The following DLC1 variants were observed in gnomAD, a reference collection of about 807,000 sequenced individuals.
DLC1 encodes rho GTPase-activating protein 7.
In DLC1, 54 loss-of-function variants were observed where a neutral mutation model predicts 140.3. The ratio of observed to expected loss-of-function variants is 0.38; its 90% CI spans 0.31 to 0.48. The LOEUF (loss-of-function observed/expected upper bound fraction) is 0.48, where lower values mean the gene tolerates loss of function less well. DLC1 is among the 20% of genes least tolerant of loss of function. The probability of loss-of-function intolerance (pLI) is 0.96; values close to 1 mark genes in which losing one functional copy is unlikely to be tolerated. For synonymous variants in DLC1, 986 were observed against 728.1 expected, an observed-to-expected ratio of 1.35 and a Z score of -5.70; for missense variants, 2,536 against 1,907.0, an observed-to-expected ratio of 1.33 and a Z score of -6.14.
Position 13,323,177 on chromosome 8 carries a change from C to T in DLC1, c.1315-17875G>A, listed in dbSNP as rs577299111. 3.9e-5 allele frequency among the ~76,000 whole-genome samples: 6 copies of T among 152,306 alleles called. 1 individual carries two copies. Among genetic ancestry groups the T allele is most frequent in the Middle Eastern group, 3.4e-3 (1 of 292 alleles). On this transcript the variant is annotated intron_variant, in intron 4 of 17. Transcript: ENST00000276297. ...GCAACTGTGTGAGATTATATACGTT[C>T]ATGATGGTTTCAAGTTGCTAAATTA...
intron 5 of DLC1, among the ~76,000 whole-genome samples, chr8:13,136,485 G>A (rs1187632372): frequency 6.6e-6 from 1 of 152,154 alleles, no homozygotes; most frequent in Non-Finnish European, 1.5e-5. Context: ...GCCTCCAGCT[G>A]CATTCATGTT....
At chr8:13,299,986 T>C (rs2117498423) in intron 5 of DLC1, among the ~76,000 whole-genome samples, 1 of 152,306 alleles carries the variant, frequency 6.6e-6, no homozygotes, top group African/African-American at 2.4e-5. Context: ...TGCACACATA[T>C]GTTCATTGCA....
intron 4 of DLC1, among the ~76,000 whole-genome samples, chr8:13,308,645 TTTC>T (rs1372694688): frequency 6.6e-6 from 1 of 152,178 alleles, no homozygotes; most frequent in African/African-American, 2.4e-5. Flanking sequence ...TTAGCAAAGT[TTTC>T]TTCTTTGTGG....
intron 4 of DLC1, among the ~76,000 whole-genome samples, chr8:13,312,208 A>G (rs2117553010): frequency 7.2e-6 from 1 of 138,286 alleles, no homozygotes; most frequent in East Asian, 2.0e-4. Context: ...AAAAATACAA[A>G]AAATTAGCCG....
chr8:13,236,980 T>C (rs79682242), intron 5 of DLC1, among the ~76,000 whole-genome samples: 1,769 of 152,140 alleles, frequency 0.012, 13 homozygotes, highest in South Asian at 0.037. Context: ...CCTTTTCAGA[T>C]TACAAATTTC....
At chr8:13,282,051 T>TAA (rs1831382715) in intron 5 of DLC1, among the ~76,000 whole-genome samples, 1 of 152,184 alleles carries the variant, frequency 6.6e-6, no homozygotes, top group South Asian at 2.1e-4. Context: ...GATATCAGAA[T>TAA]TACATAGGGT....
upstream of DLC1, among the ~76,000 whole-genome samples, chr8:13,516,840 A>G (rs1802604604): frequency 6.6e-6 from 1 of 152,186 alleles, no homozygotes; most frequent in South Asian, 2.1e-4. Context: ...TTTTACAAAT[A>G]AAGTATTGAG....
At position 13,396,907 on chromosome 8, in the gene DLC1, T is replaced by C. The variant is rs536710085; in HGVS notation, c.1174-3214A>G. Among the ~76,000 whole-genome samples the C allele has an allele frequency of 1.1e-4, 17 of 152,272 alleles. 1 individual carries two copies. The highest frequency in any genetic ancestry group is 4.1e-4 in the African/African-American group (17 of 41,556). ...GCAGTGAATAAACCCTGGGTACTCA[T>C]TACAACTGCCACTCATAATTTCCCT... On this transcript the variant is annotated intron_variant, in intron 3 of 17. Transcript: ENST00000276297.
At chr8:13,531,982 G>A (rs746753492) in intron 1 of DLC1, among the ~76,000 whole-genome samples, 1 of 152,142 alleles carries the variant, frequency 6.6e-6, no homozygotes, top group African/African-American at 2.4e-5. Flanking sequence ...CTCCGCTCCC[G>A]GCACAAGGAA....
chr8:13,310,316 A>G (rs1832624226), intron 4 of DLC1, among the ~76,000 whole-genome samples: 1 of 152,174 alleles, frequency 6.6e-6, no homozygotes, highest in African/African-American at 2.4e-5. Context: ...TTTGCCTTTT[A>G]AAAAGTGGCT....
At chr8:13,590,603 C>T (rs6530649) in intron 1 of DLC1, among the ~76,000 whole-genome samples, 40,435 of 151,824 alleles carry the variant, frequency 0.27, 6,099 homozygotes, top group Non-Finnish European at 0.35. Flanking sequence ...ACTTTTCTAG[C>T]CTTCCAAAAT....
chr8:13,522,127 G>A (rs1305257976), intron 1 of DLC1, among the ~76,000 whole-genome samples: 1 of 152,122 alleles, frequency 6.6e-6, no homozygotes, highest in Non-Finnish European at 1.5e-5. Flanking sequence ...CAAAAGGTGG[G>A]ATGAGAATGT....
intron 1 of DLC1, among the ~76,000 whole-genome samples, chr8:13,603,664 C>G (rs548164550): frequency 6.6e-6 from 1 of 151,992 alleles, no homozygotes; most frequent in Non-Finnish European, 1.5e-5. Context: ...CTGTTAGGAA[C>G]CAACTAACTG....
chr8:13,161,723 C>A (rs1824714887), intron 5 of DLC1, among the ~76,000 whole-genome samples: 1 of 152,148 alleles, frequency 6.6e-6, no homozygotes, highest in South Asian at 2.1e-4. Flanking sequence ...TGTCTCACAT[C>A]CCTTGGAGAG....
chr8:13,462,496 C>A (rs559439675), intron 2 of DLC1, among the ~76,000 whole-genome samples: 1 of 151,838 alleles, frequency 6.6e-6, no homozygotes, highest in South Asian at 2.1e-4. Context: ...CTCCGCCTCC[C>A]AGGTTCACGC....
At chr8:13,228,225 G>A (rs1481335575) in intron 5 of DLC1, among the ~76,000 whole-genome samples, 4 of 151,618 alleles carry the variant, frequency 2.6e-5, no homozygotes, top group Non-Finnish European at 5.9e-5. Flanking sequence ...TTAGCAAACA[G>A]ATGGTTCTGA....
chr8:13,163,187 A>C (rs1824852010), intron 5 of DLC1, among the ~76,000 whole-genome samples: 1 of 152,166 alleles, frequency 6.6e-6, no homozygotes, highest in Non-Finnish European at 1.5e-5. Context: ...ATTGTGTTAT[A>C]ATATTACCAC....
At chr8:13,506,162 T>C (rs188069843) in intron 1 of DLC1, among the ~76,000 whole-genome samples, 1 of 151,944 alleles carries the variant, frequency 6.6e-6, no homozygotes, top group Admixed American at 6.6e-5. Context: ...TATATGTGTG[T>C]ATACACACAC....
At chr8:13,302,966 T>C (rs1375023963) in intron 5 of DLC1, among the ~76,000 whole-genome samples, 2 of 152,246 alleles carry the variant, frequency 1.3e-5, no homozygotes, top group East Asian at 1.9e-4. Context: ...TAGACTGTTA[T>C]GGTACTTAAA....
Sources: allele counts gnomAD v4.1 joint callset (sites outside exome capture counted in the v4.1 genomes callset), GRCh38; gene constraint gnomAD v4.1.1; transcripts MANE v1.5; gene names NCBI Gene and HGNC (gene_info 2026-07-23, HGNC 2026-07-21).